The following CNTNAP2 variants were observed in gnomAD, a reference collection of about 807,000 sequenced individuals.
CNTNAP2 encodes contactin associated protein 2.
Under a neutral mutation model 155.2 loss-of-function variants are expected in CNTNAP2, and 98 were observed. That is an observed-to-expected ratio of 0.63 (90% CI 0.54 to 0.75). The LOEUF (loss-of-function observed/expected upper bound fraction) is 0.75, where lower values mean the gene tolerates loss of function less well. CNTNAP2 is among the 30% of genes least tolerant of loss of function. The pLI is 0.00. For synonymous variants in CNTNAP2, 651 were observed against 631.2 expected (o/e 1.03, Z -0.47); for missense variants, 1,727 against 1,688.1 (o/e 1.02, Z -0.40).
intron 3 of CNTNAP2, among the ~76,000 whole-genome samples, chr7:146,845,158 T>G (rs555692714): frequency 6.6e-6 from 1 of 152,328 alleles, no homozygotes; most frequent in African/African-American, 2.4e-5. Context: ...GTTTCATTTA[T>G]GAAACATTTG....
chr7:147,190,426 AC>A (rs1257887867), intron 8 of CNTNAP2, among the ~76,000 whole-genome samples: 2 of 152,210 alleles, frequency 1.3e-5, no homozygotes, highest in Non-Finnish European at 1.5e-5. Context: ...TGTTACTGGA[AC>A]CATGTCACAG....
Position 147,226,514 on chromosome 7 carries a change from T to C in CNTNAP2, c.1349-73627T>C, listed in dbSNP as rs369274637. On this transcript the variant is annotated intron_variant, in intron 8 of 23. Transcript: ENST00000361727. ...GGTGGTAGGAGATCAATGAGGAGCA[T>C]TGGGAGCCAAGAAAAGAAGCCAAAA... Among the ~76,000 whole-genome samples the C allele has an allele frequency of 5.7e-4, 85 of 149,428 alleles. 1 individual carries two copies. Among genetic ancestry groups the C allele is most frequent in the African/African-American group, 1.7e-3 (69 of 40,450 alleles).
At chr7:147,352,338 T>G (rs747740308) in intron 9 of CNTNAP2, among the ~76,000 whole-genome samples, 1 of 152,000 alleles carries the variant, frequency 6.6e-6, no homozygotes, top group Non-Finnish European at 1.5e-5. Flanking sequence ...CAGAGGATCT[T>G]GCTTCCCTCA....
chr7:147,487,472 C>T, intron 11 of CNTNAP2, among the ~76,000 whole-genome samples: 1 of 152,072 alleles, frequency 6.6e-6, no homozygotes, highest in East Asian at 1.9e-4. Flanking sequence ...ATTGATGAAA[C>T]TCAGTGCCTT....
intron 8 of CNTNAP2, among the ~76,000 whole-genome samples, chr7:147,258,579 C>T (rs1804382061): frequency 6.6e-6 from 1 of 152,052 alleles, no homozygotes; most frequent in Non-Finnish European, 1.5e-5. Context: ...ATGAACTCAC[C>T]TATAACTGTA....
At chr7:147,241,354 G>A (rs1017124326) in intron 8 of CNTNAP2, among the ~76,000 whole-genome samples, 5 of 152,166 alleles carry the variant, frequency 3.3e-5, no homozygotes, top group African/African-American at 9.6e-5. Flanking sequence ...TCTGCCGGGC[G>A]CGGTGCCTCT....
intron 3 of CNTNAP2, among the ~76,000 whole-genome samples, chr7:147,035,937 T>A (rs1403416710): frequency 1.3e-5 from 2 of 152,204 alleles, no homozygotes; most frequent in Admixed American, 1.3e-4. Flanking sequence ...TCCTCCAGTT[T>A]GATAAATTAT....
chr7:147,225,953 AAGAG>A (rs758187628), intron 8 of CNTNAP2, among the ~76,000 whole-genome samples: 66 of 151,770 alleles, frequency 4.3e-4, no homozygotes, highest in African/African-American at 1.5e-3. Context: ...GAAAGGAAGA[AAGAG>A]AGAAAGGAAG....
At position 147,064,008 on chromosome 7, in the gene CNTNAP2, T is replaced by C. The variant is rs61062404; in HGVS notation, c.550+19954T>C. On this transcript the variant is annotated intron_variant, in intron 4 of 23. Transcript: ENST00000361727. Reference sequence around the variant, plus strand: ...CAGAGAAGTGAGAGATGGAAAGAAATAGGGACAACTCATCGAAATCAATAT... The same window carrying C: ...CAGAGAAGTGAGAGATGGAAAGAAACAGGGACAACTCATCGAAATCAATAT... Among the ~76,000 whole-genome samples, 588 of 152,184 alleles carry C rather than the reference T, an allele frequency of 3.9e-3. 7 individuals are homozygous for C. The highest frequency in any genetic ancestry group is 0.013 in the African/African-American group (557 of 41,536).
At chr7:146,968,248 CA>C (rs1157615765) in intron 3 of CNTNAP2, among the ~76,000 whole-genome samples, 2 of 152,058 alleles carry the variant, frequency 1.3e-5, no homozygotes, top group African/African-American at 2.4e-5. Context: ...CAATGTTCAT[CA>C]AGGATATTGG....
At chr7:147,358,937 TAC>T (rs1318643039) in intron 9 of CNTNAP2, among the ~76,000 whole-genome samples, 3 of 152,126 alleles carry the variant, frequency 2.0e-5, no homozygotes. Context: ...CCTGCAGACA[TAC>T]GGTTTTGGGC....
intron 13 of CNTNAP2, among the ~76,000 whole-genome samples, chr7:147,822,788 G>A (rs2178769): frequency 0.11 from 16,996 of 152,120 alleles, 1,196 homozygotes; most frequent in East Asian, 0.21. Flanking sequence ...CGCTAAGACA[G>A]CATTTTCAGT....
At chr7:147,151,316 A>T (rs147928066) in intron 8 of CNTNAP2, among the ~76,000 whole-genome samples, 1 of 152,308 alleles carries the variant, frequency 6.6e-6, no homozygotes, top group Non-Finnish European at 1.5e-5. Context: ...CTAAGAGGGA[A>T]CTGGTGTAAC....
Position 146,839,882 on chromosome 7 carries a change from A to G in CNTNAP2, c.380A>G (p.Tyr127Cys), listed in dbSNP as rs770321034. Residue 127 changes from tyrosine (Y) to cysteine (C), a missense_variant, in exon 3 of 24, where the codon TAT becomes TGT. Physicochemically the swap from Tyr to Cys is radical, Grantham distance 194 (BLOSUM62 -2). Coordinates refer to ENST00000361727, the MANE Select transcript of CNTNAP2 (RefSeq NM_014141.6). ...GACACAGGGAGAAACTGGAAACCCT[A>G]TCATCAAGATGGGAATATCTGGGTA... ...YSDTGRNWKP[Y>C]HQDGNIWAFP... The G allele has an allele frequency of 6.2e-6, 10 of 1,614,078 alleles. No individual in the cohort carries two copies. Among genetic ancestry groups the G allele is most frequent in the South Asian group, 3.3e-5 (3 of 91,090 alleles).
chr7:148,373,679 T>C (rs1798931421), intron 21 of CNTNAP2, among the ~76,000 whole-genome samples: 1 of 152,134 alleles, frequency 6.6e-6, no homozygotes. Context: ...CACAAAAATG[T>C]CATGAGAAAC....
intron 1 of CNTNAP2, among the ~76,000 whole-genome samples, chr7:146,241,828 ACACACACACAAACACACACG>A (rs1048219363): frequency 4.1e-5 from 6 of 146,846 alleles, no homozygotes; most frequent in African/African-American, 1.4e-4. Context: ...ACCTATACAC[ACACACACACAAACACACACG>A]CACACACACA....
intron 18 of CNTNAP2, among the ~76,000 whole-genome samples, chr7:148,174,218 T>G (rs1417472609): frequency 6.6e-6 from 1 of 152,236 alleles, no homozygotes; most frequent in African/African-American, 2.4e-5. Flanking sequence ...TTTATGAGCA[T>G]CCTTCTGAGT....
chr7:147,181,931 C>A (rs181446358), intron 8 of CNTNAP2, among the ~76,000 whole-genome samples: 6 of 151,900 alleles, frequency 3.9e-5, no homozygotes, highest in Admixed American at 3.3e-4. Flanking sequence ...TCGAGACCAG[C>A]CTGACCAACA....
At chr7:146,993,003 G>A (rs1250759427) in intron 3 of CNTNAP2, among the ~76,000 whole-genome samples, 2 of 152,240 alleles carry the variant, frequency 1.3e-5, no homozygotes, top group South Asian at 4.1e-4. Context: ...GAATCCGTAT[G>A]GGTCTGCAGC....
Sources: gnomAD v4.1 joint callset for allele counts (sites outside exome capture counted in the v4.1 genomes callset) on GRCh38, gnomAD v4.1.1 for gene constraint, MANE v1.5 for transcripts, NCBI Gene and HGNC (gene_info 2026-07-23, HGNC 2026-07-21) for gene names.